Variants in SH3GL2 observed in about 807,000 individuals in gnomAD.
SH3GL2 encodes the protein SH3 domain containing GRB2 like 2, endophilin A1, also known as endophilin-A1.
A neutral mutation model predicts 46.0 loss-of-function variants in SH3GL2; 24 were observed. That is an observed-to-expected ratio of 0.52 (90% CI 0.38 to 0.73). SH3GL2 has a LOEUF of 0.73. Ranked by LOEUF, SH3GL2 falls within the 30% of genes least tolerant of loss-of-function variation. The probability of loss-of-function intolerance (pLI) is 0.00; values close to 1 mark genes in which losing one functional copy is unlikely to be tolerated. For synonymous variants in SH3GL2, 196 were observed against 147.1 expected, an observed-to-expected ratio of 1.33 and a Z score of -2.40; for missense variants, 413 against 424.2, an observed-to-expected ratio of 0.97 and a Z score of 0.23.
intron 1 of SH3GL2, among the ~76,000 whole-genome samples, chr9:17,649,629 A>G (rs1819907541): frequency 6.6e-6 from 1 of 152,196 alleles, no homozygotes; most frequent in Non-Finnish European, 1.5e-5. Flanking sequence ...TACACAAGGG[A>G]GTTTGCTTTA....
intron 1 of SH3GL2, among the ~76,000 whole-genome samples, chr9:17,661,883 A>T (rs1820224919): frequency 6.6e-6 from 1 of 152,194 alleles, no homozygotes; most frequent in Non-Finnish European, 1.5e-5. Context: ...TGAATGTAAA[A>T]TGTGTGTTAT....
Position 17,756,661 on chromosome 9 carries a change from T to C in SH3GL2, c.115-4776T>C, listed in dbSNP as rs932157592. On this transcript the variant is annotated intron_variant, in intron 2 of 8. Coordinates refer to ENST00000380607, the MANE Select transcript of SH3GL2 (RefSeq NM_003026.5). ...CCCTACAAAGGACATGAACTCATCA[T>C]TTTTTATGGCTGCATAGTATTCCAT... 2.6e-5 allele frequency among the ~76,000 whole-genome samples: 4 copies of C among 152,142 alleles called. 1 individual carries two copies. In the South Asian group the frequency reaches 8.3e-4, roughly 32 times the overall value.
intron 1 of SH3GL2, among the ~76,000 whole-genome samples, chr9:17,662,858 C>T (rs993978220): frequency 1.3e-4 from 20 of 152,068 alleles, no homozygotes; most frequent in Middle Eastern, 3.4e-3. Flanking sequence ...TACAGGCATC[C>T]GCCACCACGC....
intron 1 of SH3GL2, among the ~76,000 whole-genome samples, chr9:17,596,206 A>C (rs1818568677): frequency 6.6e-6 from 1 of 152,198 alleles, no homozygotes; most frequent in South Asian, 2.1e-4. Context: ...CCCTCCATAG[A>C]GCCCTGAATT....
intron 1 of SH3GL2, among the ~76,000 whole-genome samples, chr9:17,734,293 C>G (rs1466904388): frequency 1.3e-5 from 2 of 152,088 alleles, no homozygotes; most frequent in Non-Finnish European, 2.9e-5. Context: ...TTTACAGTCA[C>G]CACATCCATG....
chr9:17,620,595 T>A (rs1038325915), intron 1 of SH3GL2, among the ~76,000 whole-genome samples: 7 of 152,200 alleles, frequency 4.6e-5, no homozygotes, highest in Admixed American at 2.0e-4. Flanking sequence ...TGCAGTACTC[T>A]GGGCATGAGA....
intron 1 of SH3GL2, among the ~76,000 whole-genome samples, chr9:17,696,695 A>G (rs1246120440): frequency 2.0e-5 from 3 of 152,122 alleles, no homozygotes; most frequent in Admixed American, 1.3e-4. Context: ...TGATTCCATT[A>G]CCTCCTACTG....
chr9:17,581,426 C>T (rs192006117), intron 1 of SH3GL2, among the ~76,000 whole-genome samples: 96 of 152,310 alleles, frequency 6.3e-4, no homozygotes, highest in African/African-American at 2.3e-3. Context: ...CACGTAGTCT[C>T]TTATCCATAA....
intron 1 of SH3GL2, among the ~76,000 whole-genome samples, chr9:17,697,168 T>C (rs1031607373): frequency 2.0e-5 from 3 of 152,084 alleles, no homozygotes; most frequent in Non-Finnish European, 4.4e-5. Flanking sequence ...TAGTCTGCTT[T>C]CTTCAGAATT....
intron 1 of SH3GL2, among the ~76,000 whole-genome samples, chr9:17,701,993 A>G (rs117886527): frequency 3.7e-3 from 562 of 152,204 alleles, no homozygotes; most frequent in Non-Finnish European, 6.6e-3. Context: ...AGGAAAATAT[A>G]AGGAAGGATA....
intron 1 of SH3GL2, among the ~76,000 whole-genome samples, chr9:17,728,490 A>G (rs922055734): frequency 6.6e-6 from 1 of 151,746 alleles, no homozygotes; most frequent in African/African-American, 2.4e-5. Flanking sequence ...ATTTATTTTT[A>G]TTATACTTTA....
At chr9:17,615,150 A>G (rs549678831) in intron 1 of SH3GL2, among the ~76,000 whole-genome samples, 5 of 152,320 alleles carry the variant, frequency 3.3e-5, no homozygotes, top group South Asian at 2.1e-4. Flanking sequence ...TTATTGCACA[A>G]TTTGGTGAAT....
chr9:17,661,369 T>G (rs1245240618), intron 1 of SH3GL2, among the ~76,000 whole-genome samples: 1 of 152,058 alleles, frequency 6.6e-6, no homozygotes, highest in Non-Finnish European at 1.5e-5. Context: ...AGAGACATCT[T>G]GATAGCATGG....
intron 3 of SH3GL2, among the ~76,000 whole-genome samples, chr9:17,764,450 G>C (rs1823264053): frequency 6.6e-6 from 1 of 152,190 alleles, no homozygotes; most frequent in African/African-American, 2.4e-5. Context: ...CCAAACTCGT[G>C]CAGTTTGCTA....
intron 1 of SH3GL2, among the ~76,000 whole-genome samples, chr9:17,639,438 T>A (rs373876879): frequency 2.2e-4 from 33 of 152,276 alleles, no homozygotes; most frequent in Middle Eastern, 6.8e-3. Flanking sequence ...ATCAAAAGTA[T>A]GTGAAATTTC....
intron 2 of SH3GL2, among the ~76,000 whole-genome samples, chr9:17,753,467 A>C (rs555276980): frequency 6.6e-6 from 1 of 152,248 alleles, no homozygotes; most frequent in Non-Finnish European, 1.5e-5. Flanking sequence ...TGGCCACATA[A>C]ATGTCTTCTT....
intron 1 of SH3GL2, among the ~76,000 whole-genome samples, chr9:17,652,411 A>G (rs900599718): frequency 1.3e-5 from 2 of 151,592 alleles, no homozygotes; most frequent in Non-Finnish European, 2.9e-5. Flanking sequence ...CCTTTATTAT[A>G]TTGAGGTAAG....
chr9:17,616,929 A>G (rs1418620592), intron 1 of SH3GL2, among the ~76,000 whole-genome samples: 1 of 152,220 alleles, frequency 6.6e-6, no homozygotes, highest in South Asian at 2.1e-4. Flanking sequence ...TCCCCTAGCT[A>G]GTTTCCTTCC....
chr9:17,766,762 A>C (rs1183541512), intron 3 of SH3GL2, among the ~76,000 whole-genome samples: 2 of 152,204 alleles, frequency 1.3e-5, no homozygotes, highest in Non-Finnish European at 2.9e-5. Context: ...GGTGCTCAGC[A>C]GCCCGCTGTG....
Sources: allele counts gnomAD v4.1 joint callset (sites outside exome capture counted in the v4.1 genomes callset), GRCh38; gene constraint gnomAD v4.1.1; transcripts MANE v1.5; gene names NCBI Gene and HGNC (gene_info 2026-07-23, HGNC 2026-07-21).